Variants in SYNPR observed in about 807,000 individuals in gnomAD.
SYNPR encodes the protein synaptoporin.
Under a neutral mutation model 32.9 loss-of-function variants are expected in SYNPR, and 23 were observed. The observed-to-expected ratio is 0.70, with a 90% CI of 0.50 to 0.99. The LOEUF is 0.99. Ranked by LOEUF, SYNPR falls within the 50% of genes least tolerant of loss-of-function variation. The pLI is 0.00. For missense variants in SYNPR, 318 were observed against 349.3 expected (o/e 0.91, Z 0.71); for synonymous variants, 146 against 135.9 (o/e 1.07, Z -0.52).
chr3:63,275,418 G>C (rs183544940), upstream of SYNPR, among the ~76,000 whole-genome samples: 201 of 152,304 alleles, frequency 1.3e-3, no homozygotes, highest in African/African-American at 4.6e-3. Flanking sequence ...TGCAATTGTT[G>C]TCTAAGCTAT....
intron 4 of SYNPR, among the ~76,000 whole-genome samples, chr3:63,589,288 C>A (rs193263898): frequency 7.9e-5 from 12 of 152,076 alleles, no homozygotes; most frequent in Non-Finnish European, 2.9e-5. Context: ...ATTTCCAAAA[C>A]ACCAAGGACT....
intron 3 of SYNPR, among the ~76,000 whole-genome samples, chr3:63,546,498 G>C (rs1702404692): frequency 6.6e-6 from 1 of 151,984 alleles, no homozygotes; most frequent in South Asian, 2.1e-4. Context: ...CTGGGGGTGA[G>C]GGGGGAACAG....
At chr3:63,343,567 T>A (rs918724515) in intron 2 of SYNPR, among the ~76,000 whole-genome samples, 7 of 152,158 alleles carry the variant, frequency 4.6e-5, no homozygotes, top group African/African-American at 1.7e-4. Flanking sequence ...CTCCTTTTTT[T>A]GTTGAGCTTC....
intron 2 of SYNPR, among the ~76,000 whole-genome samples, chr3:63,390,906 G>T (rs763373121): frequency 6.6e-6 from 1 of 152,188 alleles, no homozygotes. Context: ...CTTTGCATCT[G>T]TTGTTAGACC....
intron 2 of SYNPR, among the ~76,000 whole-genome samples, chr3:63,453,804 C>G (rs1700427747): frequency 6.6e-6 from 1 of 152,108 alleles, no homozygotes; most frequent in Non-Finnish European, 1.5e-5. Context: ...GGAAAGAGAG[C>G]AGCTCTTTTG....
At chr3:63,240,389 A>T (rs1182304007) in intron 1 of SYNPR, among the ~76,000 whole-genome samples, 1 of 152,052 alleles carries the variant, frequency 6.6e-6, no homozygotes, top group Non-Finnish European at 1.5e-5. Context: ...TTCTCTCACC[A>T]TCTGGAAAAT....
chr3:63,354,273 C>T (rs770377063), intron 2 of SYNPR, among the ~76,000 whole-genome samples: 2 of 152,190 alleles, frequency 1.3e-5, no homozygotes, highest in Admixed American at 6.5e-5. Context: ...GCTGGGCTGG[C>T]TCTGTAAAGC....
chr3:63,346,007 G>T lies in SYNPR; in HGVS notation c.84+67265G>T, dbSNP rs1407059441. 3.3e-5 allele frequency among the ~76,000 whole-genome samples: 5 copies of T among 152,044 alleles called. No homozygotes were observed. In the East Asian group the frequency reaches 9.7e-4, roughly 29 times the overall value. On this transcript the variant is annotated intron_variant, in intron 2 of 5. Coordinates refer to ENST00000478300, the MANE Select transcript of SYNPR (RefSeq NM_001130003.2). The stretch of plus-strand genomic sequence containing the variant: ...TTTTTGTATTTTTAGTGGAGTTGGG[G>T]TTTCACCATGTTGGCCTGGCTGATC...
At chr3:63,233,808 A>G (rs1390874889) in intron 1 of SYNPR, among the ~76,000 whole-genome samples, 1 of 152,158 alleles carries the variant, frequency 6.6e-6, no homozygotes, top group Non-Finnish European at 1.5e-5. Context: ...TCCAAATAAA[A>G]CAGTATGTAT....
At chr3:63,225,400 T>A (rs1380822062), upstream of SYNPR, among the ~76,000 whole-genome samples, 1 of 152,202 alleles carries the variant, frequency 6.6e-6, no homozygotes, top group African/African-American at 2.4e-5. Flanking sequence ...CTCACTGCTA[T>A]CTGGCTGGCA....
chr3:63,351,808 T>C (rs1403194916), intron 2 of SYNPR, among the ~76,000 whole-genome samples: 1 of 152,196 alleles, frequency 6.6e-6, no homozygotes, highest in Non-Finnish European at 1.5e-5. Context: ...AAGCCCATTC[T>C]TCCTGTCCTG....
intron 2 of SYNPR, among the ~76,000 whole-genome samples, chr3:63,471,081 GGCATGAA>G (rs1157054186): frequency 1.3e-5 from 2 of 152,130 alleles, no homozygotes; most frequent in African/African-American, 4.8e-5. Flanking sequence ...CCCAGTTGAT[GGCATGAA>G]GTATCAATTC....
At chr3:63,340,632 G>A (rs1423983982) in intron 2 of SYNPR, among the ~76,000 whole-genome samples, 1 of 151,714 alleles carries the variant, frequency 6.6e-6, no homozygotes, top group East Asian at 1.9e-4. Flanking sequence ...TTTTAGCCGG[G>A]ATGGTCTCGA....
At chr3:63,352,154 G>A (rs1205019226) in intron 2 of SYNPR, among the ~76,000 whole-genome samples, 1 of 152,170 alleles carries the variant, frequency 6.6e-6, no homozygotes, top group African/African-American at 2.4e-5. Flanking sequence ...TGTGCACTGA[G>A]GGGAGAGGGA....
intron 2 of SYNPR, among the ~76,000 whole-genome samples, chr3:63,394,971 CTTA>C (rs2088192328): frequency 6.6e-6 from 1 of 152,100 alleles, no homozygotes; most frequent in Non-Finnish European, 1.5e-5. Context: ...TCAAAATAGA[CTTA>C]TTATGCATCT....
At chr3:63,315,797 G>T (rs2087034443) in intron 2 of SYNPR, among the ~76,000 whole-genome samples, 1 of 151,906 alleles carries the variant, frequency 6.6e-6, no homozygotes, top group Non-Finnish European at 1.5e-5. Flanking sequence ...TGGTGAGAGT[G>T]GGCATCCTTG....
chr3:63,498,801 G>C (rs938603270), intron 3 of SYNPR, among the ~76,000 whole-genome samples: 1 of 151,822 alleles, frequency 6.6e-6, no homozygotes, highest in South Asian at 2.1e-4. Context: ...CTAGATGAAA[G>C]GGGCATCTTT....
chr3:63,406,375 C>A (rs929976251), intron 2 of SYNPR, among the ~76,000 whole-genome samples: 1 of 151,976 alleles, frequency 6.6e-6, no homozygotes, highest in Non-Finnish European at 1.5e-5. Context: ...GCTAGGTATT[C>A]AGTACATGCT....
chr3:63,346,124 T>A (rs1278560791), intron 2 of SYNPR, among the ~76,000 whole-genome samples: 1 of 152,172 alleles, frequency 6.6e-6, no homozygotes, highest in African/African-American at 2.4e-5. Context: ...CATGGAACTA[T>A]TTTATTCAAA....
Sources: allele counts gnomAD v4.1 joint callset (sites outside exome capture counted in the v4.1 genomes callset), GRCh38; gene constraint gnomAD v4.1.1; transcripts MANE v1.5; gene names NCBI Gene and HGNC (gene_info 2026-07-23, HGNC 2026-07-21).